The following INVS variants were observed in gnomAD, a reference collection of about 807,000 sequenced individuals.
INVS encodes the protein inversion of embryo turning homolog.
In INVS, 86 loss-of-function variants were observed where a neutral mutation model predicts 108.8. That is an observed-to-expected ratio of 0.79 (90% CI 0.66 to 0.95). The LOEUF is 0.95. INVS is among the 40% of genes least tolerant of loss of function. INVS has a pLI of 0.00. For synonymous variants in INVS, 455 were observed against 473.5 expected, an observed-to-expected ratio of 0.96 and a Z score of 0.51; for missense variants, 1,169 against 1,297.4, an observed-to-expected ratio of 0.90 and a Z score of 1.52.
At chr9:100,129,650 T>C in intron 3 of INVS, 1 of 664,130 alleles carries the variant, frequency 1.5e-6, no homozygotes, top group Non-Finnish European at 2.8e-6. Flanking sequence ...AAAAACTGAA[T>C]AAAATACTAT....
chr9:100,111,808 G>C (rs1827344552), intron 2 of INVS, among the ~76,000 whole-genome samples: 1 of 152,258 alleles, frequency 6.6e-6, no homozygotes, highest in African/African-American at 2.4e-5. Flanking sequence ...GAGTAGGGTG[G>C]ATAGATAAAG....
rs981073893 is a variant in INVS, at chr9:100,099,360, G to C, written c.-81G>C. On this transcript the variant is annotated 5_prime_UTR_variant, in exon 1 of 17. Coordinates refer to ENST00000262457, the MANE Select transcript of INVS (RefSeq NM_014425.5). ...CCGGCCCGGCAGGAGGGGCGGCCCG[G>C]TCCGGGTTGCGCCTCCTGGAGCCGC... The C allele has an allele frequency of 6.5e-6, 1 of 153,194 alleles. No homozygotes were observed. Among genetic ancestry groups the C allele is most frequent in the Non-Finnish European group, 1.5e-5 (1 of 68,420 alleles). The allele number at this position is 153,194 out of a possible 1,614,324, so 9.5% of individuals were successfully genotyped here.
intron 13 of INVS, among the ~76,000 whole-genome samples, chr9:100,288,125 C>T (rs2787372): frequency 0.33 from 50,844 of 151,986 alleles, 9,169 homozygotes; most frequent in Non-Finnish European, 0.42. Flanking sequence ...TTTACCAGGG[C>T]CCCTACTCTG....
chr9:100,128,283 CTATGATT>C (rs1827949270), intron 3 of INVS, among the ~76,000 whole-genome samples: 1 of 152,044 alleles, frequency 6.6e-6, no homozygotes, highest in African/African-American at 2.4e-5. Context: ...ATAAATAGAA[CTATGATT>C]TATGTGGTGG....
chr9:100,198,576 G>A (rs1278811885), intron 3 of INVS, among the ~76,000 whole-genome samples: 2 of 150,044 alleles, frequency 1.3e-5, no homozygotes, highest in African/African-American at 4.9e-5. Context: ...CAGACATGAA[G>A]ATGTGAGCCA....
chr9:100,202,652 G>C (rs911567450), intron 3 of INVS, among the ~76,000 whole-genome samples: 1 of 151,930 alleles, frequency 6.6e-6, no homozygotes, highest in Non-Finnish European at 1.5e-5. Flanking sequence ...AGCATTCATA[G>C]ACATTGCTTA....
At chr9:100,196,275 A>G (rs991064682) in intron 3 of INVS, among the ~76,000 whole-genome samples, 5 of 152,312 alleles carry the variant, frequency 3.3e-5, no homozygotes, top group African/African-American at 9.6e-5. Context: ...AGAAATTTAG[A>G]ACAAAAAGTG....
intron 5 of INVS, among the ~76,000 whole-genome samples, chr9:100,237,930 G>A (rs1831741644): frequency 6.6e-6 from 1 of 152,144 alleles, no homozygotes; most frequent in Admixed American, 6.5e-5. Context: ...CCAGGCTGGA[G>A]TGCAGTGATG....
At chr9:100,242,912 A>T (rs1831926319) in intron 7 of INVS, among the ~76,000 whole-genome samples, 2 of 152,180 alleles carry the variant, frequency 1.3e-5, no homozygotes, top group African/African-American at 4.8e-5. Flanking sequence ...CAGGAAATTG[A>T]CATTGATACA....
At position 100,100,763 on chromosome 9, in the gene INVS, A is replaced by T. The variant is rs184801386; in HGVS notation, c.-25+1347A>T. ...TATTATATGTACATATAATATATAT[A>T]ATATATGTATATATAATATATATTA... On this transcript the variant is annotated intron_variant, in intron 1 of 16. Coordinates refer to ENST00000262457, the MANE Select transcript of INVS (RefSeq NM_014425.5). Among the ~76,000 whole-genome samples, 53 of 7,798 alleles carry T rather than the reference A, an allele frequency of 6.8e-3. 19 individuals are homozygous for T. In the East Asian group the frequency reaches 0.11, roughly 15 times the overall value. The allele number at this position is 7,798 out of a possible 152,430, so 5.1% of individuals were successfully genotyped here.
chr9:100,280,629 C>A (rs1330761320), intron 12 of INVS, among the ~76,000 whole-genome samples: 1 of 152,032 alleles, frequency 6.6e-6, no homozygotes, highest in Non-Finnish European at 1.5e-5. Context: ...CTAGAATAAT[C>A]TTTTTCTGAT....
In INVS at chr9:100,276,435, C is replaced by G. The variant is rs573499122; in HGVS notation, c.1784+3359C>G. 5.3e-5 allele frequency among the ~76,000 whole-genome samples: 8 copies of G among 152,324 alleles called. No individual in the cohort carries two copies. The South Asian group carries it at 1.7e-3, about 32-fold the overall frequency. The stretch of plus-strand genomic sequence containing the variant: ...TTTTATGTGCTTGCTAGTGCTGCTA[C>G]CATTGATTGTATGCATTCCCCCTTT... On this transcript the variant is annotated intron_variant, in intron 12 of 16. Transcript: ENST00000262457.
chr9:100,233,370 T>C (rs1176205367), intron 5 of INVS, among the ~76,000 whole-genome samples: 1 of 152,184 alleles, frequency 6.6e-6, no homozygotes, highest in Admixed American at 6.5e-5. Flanking sequence ...TATTTCTTTC[T>C]CTTACCTGAT....
At chr9:100,232,377 T>C (rs1019091021) in intron 5 of INVS, among the ~76,000 whole-genome samples, 9 of 152,230 alleles carry the variant, frequency 5.9e-5, no homozygotes, top group African/African-American at 2.2e-4. Flanking sequence ...TTTGTCCATT[T>C]TGGCTTTTGT....
chr9:100,102,945 C>G (rs943231983), intron 1 of INVS: 7 of 152,518 alleles, frequency 4.6e-5, no homozygotes, highest in Non-Finnish European at 7.3e-5. Flanking sequence ...CTCCACCTCC[C>G]AGGTTCAAGC....
At chr9:100,251,071 A>T (rs1347809885) in intron 8 of INVS, among the ~76,000 whole-genome samples, 1 of 152,342 alleles carries the variant, frequency 6.6e-6, no homozygotes, top group South Asian at 2.1e-4. Flanking sequence ...GTAGTCCCTC[A>T]GTGATTCTAC....
intron 14 of INVS, among the ~76,000 whole-genome samples, chr9:100,294,159 C>A (rs976099178): frequency 6.6e-6 from 1 of 152,134 alleles, no homozygotes; most frequent in African/African-American, 2.4e-5. Flanking sequence ...CAGAGTGAGA[C>A]CCTGTCTCAA....
intron 3 of INVS, among the ~76,000 whole-genome samples, chr9:100,147,535 C>T (rs1465011997): frequency 6.6e-6 from 1 of 152,140 alleles, no homozygotes; most frequent in Admixed American, 6.5e-5. Flanking sequence ...ATACTCTGCT[C>T]CTGGGATAGT....
At chr9:100,258,191 G>A (rs532275346) in intron 10 of INVS, among the ~76,000 whole-genome samples, 6 of 151,896 alleles carry the variant, frequency 4.0e-5, no homozygotes, top group South Asian at 2.1e-4. Flanking sequence ...CCACTTGATC[G>A]AATTGGCTAC....
Sources: gnomAD v4.1 joint callset for allele counts (sites outside exome capture counted in the v4.1 genomes callset) on GRCh38, gnomAD v4.1.1 for gene constraint, MANE v1.5 for transcripts, NCBI Gene and HGNC (gene_info 2026-07-23, HGNC 2026-07-21) for gene names.